ELN: variants seen among roughly 807,000 people sequenced by gnomAD.
ELN encodes tropoelastin.
Under a neutral mutation model 105.8 loss-of-function variants are expected in ELN, and 65 were observed. The ratio of observed to expected loss-of-function variants is 0.61; its 90% CI spans 0.50 to 0.75. The LOEUF (loss-of-function observed/expected upper bound fraction) is 0.75. ELN is among the 30% of genes least tolerant of loss of function. The pLI is 0.00. For synonymous variants in ELN, 368 were observed against 389.2 expected (o/e 0.95, Z 0.64); for missense variants, 882 against 969.4 (o/e 0.91, Z 1.20).
chr7:74,035,858 G>A (rs1365191509), intron 2 of ELN, among the ~76,000 whole-genome samples: 5 of 152,242 alleles, frequency 3.3e-5, no homozygotes, highest in African/African-American at 1.2e-4. Context: ...AGGATCACTT[G>A]AGCTTAGGAG....
chr7:74,043,417 C>T (rs1429812142), intron 8 of ELN: 30 of 713,156 alleles, frequency 4.2e-5, no homozygotes, highest in South Asian at 2.4e-4. Flanking sequence ...GGCTGTCGGG[C>T]GACAGATGGG....
At chr7:74,067,117 C>T (rs2132721588) in intron 32 of ELN, among the ~76,000 whole-genome samples, 1 of 152,242 alleles carries the variant, frequency 6.6e-6, no homozygotes, top group South Asian at 2.1e-4. Flanking sequence ...GAAACCCTGT[C>T]TCTATTAAAA....
rs990247647 is a variant in ELN at position 74,045,903 on chromosome 7, C to T, written c.542-285C>T. On this transcript the variant is annotated intron_variant, in intron 10 of 32. Coordinates refer to ENST00000252034, the MANE Select transcript of ELN (RefSeq NM_000501.4). The stretch of plus-strand genomic sequence containing the variant: ...TACAAAAATTAGCTGGGCGTGGTGG[C>T]CTGCACCTGTAATCCCAGCTACTTG... 6 of 476,656 alleles carry T rather than the reference C, an allele frequency of 1.3e-5. No individual in the cohort carries two copies. The Admixed American group carries it at 1.7e-4, about 13-fold the overall frequency. 29.5% of individuals were successfully genotyped at this position (476,656 alleles called of 1,614,324 possible).
At chr7:74,048,365 A>C in intron 14 of ELN, 138 bp from the exon 15 acceptor site, 1 of 1,491,802 alleles carries the variant, frequency 6.7e-7, no homozygotes, top group Non-Finnish European at 9.4e-7. Context: ...GGGCAGCTCC[A>C]TCAGCCTCTG....
chr7:74,050,486 C>T (rs2131798493), intron 15 of ELN, among the ~76,000 whole-genome samples: 1 of 151,934 alleles, frequency 6.6e-6, no homozygotes, highest in East Asian at 1.9e-4. Flanking sequence ...TCTGCCCATT[C>T]TTCCGTGCAT....
At chr7:74,035,260 T>C in intron 1 of ELN, 104 bp from the exon 2 acceptor site, 3 of 1,066,554 alleles carry the variant, frequency 2.8e-6, no homozygotes, top group Non-Finnish European at 4.3e-6. Context: ...TTCCATGTAA[T>C]TGTGGGTTTT....
At chr7:74,045,543 A>G (rs533958773) in intron 10 of ELN, among the ~76,000 whole-genome samples, 1 of 152,156 alleles carries the variant, frequency 6.6e-6, no homozygotes, top group East Asian at 1.9e-4. Flanking sequence ...GTTAAAGACC[A>G]GCCTGGGCAA....
At chr7:74,052,107 C>T in intron 17 of ELN, 124 bp downstream of exon 17, 1 of 1,077,850 alleles carries the variant, frequency 9.3e-7, no homozygotes, top group Non-Finnish European at 1.4e-6. Flanking sequence ...TTCATGCCTC[C>T]TTACCTTTGC....
chr7:74,028,914 CGTGT>C (rs1788049256), intron 1 of ELN, among the ~76,000 whole-genome samples: 1 of 151,838 alleles, frequency 6.6e-6, no homozygotes, highest in Non-Finnish European at 1.5e-5. Context: ...GCTGTGTGCT[CGTGT>C]GTGTATGTGT....
chr7:74,046,520 G>A (rs1194334842), intron 11 of ELN, 176 bp from the exon 12 acceptor site: 1 of 758,660 alleles, frequency 1.3e-6, no homozygotes, highest in East Asian at 2.7e-5. Context: ...GGAGGAAGTG[G>A]CCTGTCACTG....
intron 2 of ELN, 200 bp downstream of exon 2, chr7:74,035,614 A>C: frequency 1.4e-6 from 1 of 692,172 alleles, no homozygotes; most frequent in Non-Finnish European, 2.6e-6. Context: ...TTATGCCTGT[A>C]ATCTCAACAC....
At chr7:74,035,537 C>A in intron 2 of ELN, 123 bp downstream of exon 2, 1 of 1,173,098 alleles carries the variant, frequency 8.5e-7, no homozygotes, top group Non-Finnish European at 1.3e-6. Context: ...GTCACACCCA[C>A]TTAAAAATGC....
Position 74,046,686 on chromosome 7 carries a change from A to C in ELN, c.572-10A>C. 6.2e-7 allele frequency: 1 copy of C among 1,614,142 alleles called. No homozygotes were observed. The highest frequency in any genetic ancestry group is 1.1e-5 in the South Asian group (1 of 91,082). ...GCTGGGACCTGAACTTGCTCTCTTTATTCCCACAGGAGTTGGACCCTTTGG... is the reference window on the plus strand; with the variant it reads ...GCTGGGACCTGAACTTGCTCTCTTTCTTCCCACAGGAGTTGGACCCTTTGG... On this transcript the variant is annotated splice_polypyrimidine_tract_variant and intron_variant, in intron 11 of 32. Coordinates refer to ENST00000252034, the MANE Select transcript of ELN (RefSeq NM_000501.4).
chr7:74,029,437 C>T (rs368876107), intron 1 of ELN, among the ~76,000 whole-genome samples: 52 of 149,712 alleles, frequency 3.5e-4, no homozygotes, highest in African/African-American at 1.3e-3. Context: ...AAGAGGCTCC[C>T]GGGCATGGGA....
At chr7:74,056,756 G>A (rs546832102) in intron 21 of ELN, 43 bp downstream of exon 21, 85 of 1,612,754 alleles carry the variant, frequency 5.3e-5, no homozygotes, top group East Asian at 2.0e-4. Flanking sequence ...CTGCTCTCCC[G>A]CGGGGCTCAG....
At chr7:74,058,540 C>G (rs978079209) in intron 22 of ELN, among the ~76,000 whole-genome samples, 1 of 151,858 alleles carries the variant, frequency 6.6e-6, no homozygotes, top group African/African-American at 2.4e-5. Flanking sequence ...TTTTTTGTAG[C>G]GACAGCGGTC....
rs986282041 is a variant in ELN at position 74,037,851 on chromosome 7, G to T, written c.196+112G>T. ...CTAGGAACAGGACAAGGAAGCCAAC[G>T]GGCAGGAGGAAGGAGGGAGGTGTGG... On this transcript the variant is annotated intron_variant, in intron 4 of 32. Coordinates refer to ENST00000252034, the MANE Select transcript of ELN (RefSeq NM_000501.4). 1.2e-5 allele frequency: 18 copies of T among 1,489,186 alleles called. No homozygotes were observed. The Admixed American group carries it at 3.0e-4, about 24-fold the overall frequency. 92.2% of individuals were successfully genotyped at this position (1,489,186 alleles called of 1,614,324 possible). A position where few individuals can be genotyped will look rare whatever the true frequency, so the allele number is the denominator to read the frequency against.
Position 74,053,264 on chromosome 7 carries a change from A to G in ELN, c.1051A>G (p.Ile351Val). 6.2e-7 allele frequency: 1 copy of G among 1,613,494 alleles called. No individual in the cohort carries two copies. The highest frequency in any genetic ancestry group is 8.5e-7 in the Non-Finnish European group (1 of 1,179,910). The change falls in exon 18 of 33, where the codon ATT becomes GTT. Residue 351 changes from isoleucine (I) to valine (V), a missense_variant. Transcript: ENST00000252034. ...VPGVGVPGAG[I>V]PVVPGAGIPG... ...AGGTGTTGGTGTCCCAGGAGCTGGG[A>G]TTCCAGTTGTCCCAGGTGCTGGGAT...
At chr7:74,049,068 T>TCC (rs375721080) in intron 15 of ELN, among the ~76,000 whole-genome samples, 9 of 133,110 alleles carry the variant, frequency 6.8e-5, no homozygotes, top group South Asian at 2.5e-4. Context: ...TCCATCCATC[T>TCC]ATCCATCCAT....
Sources: gnomAD v4.1 joint callset for allele counts (sites outside exome capture counted in the v4.1 genomes callset) on GRCh38, gnomAD v4.1.1 for gene constraint, MANE v1.5 for transcripts, NCBI Gene and HGNC (gene_info 2026-07-23, HGNC 2026-07-21) for gene names.